Variants in GALNT13 observed in about 807,000 individuals in gnomAD.
GALNT13 encodes polypeptide N-acetylgalactosaminyltransferase 13.
GALNT13 carries 28 observed loss-of-function variants against 64.2 expected under a neutral mutation model. That is an observed-to-expected ratio of 0.44 (90% CI 0.32 to 0.60). The LOEUF (loss-of-function observed/expected upper bound fraction) is 0.60. Among genes scored for constraint, GALNT13 ranks in the 20% least tolerant of loss-of-function variants. The pLI is 0.05. For synonymous variants in GALNT13, 214 were observed against 224.6 expected (o/e 0.95, Z 0.42); for missense variants, 577 against 669.8 (o/e 0.86, Z 1.53).
At chr2:154,323,628 T>C (rs1694735737) in intron 9 of GALNT13, among the ~76,000 whole-genome samples, 1 of 152,106 alleles carries the variant, frequency 6.6e-6, no homozygotes, top group Non-Finnish European at 1.5e-5. Context: ...TAATTCCTTG[T>C]TTCTAAGTGT....
At chr2:153,569,287 A>G in the GALNT13 span, among the ~76,000 whole-genome samples, 1 of 152,024 alleles carries the variant, frequency 6.6e-6, no homozygotes, top group Non-Finnish European at 1.5e-5. Flanking sequence ...TTGGATTCCA[A>G]CTTTCATTTT....
the GALNT13 span, among the ~76,000 whole-genome samples, chr2:153,826,526 A>G: frequency 2.0e-5 from 3 of 152,144 alleles, no homozygotes; most frequent in African/African-American, 4.8e-5. Context: ...CTTCCCCTAC[A>G]AGTGTTCCCT....
At chr2:153,225,043 A>C in the GALNT13 span, among the ~76,000 whole-genome samples, 3 of 152,214 alleles carry the variant, frequency 2.0e-5, no homozygotes, top group African/African-American at 7.2e-5. Flanking sequence ...GAAAAACTGC[A>C]GATCAATATC....
chr2:153,708,218 G>C, the GALNT13 span, among the ~76,000 whole-genome samples: 1 of 151,990 alleles, frequency 6.6e-6, no homozygotes, highest in African/African-American at 2.4e-5. Context: ...GAAAACTACT[G>C]GTGTATGTTC....
chr2:153,193,817 G>A, the GALNT13 span, among the ~76,000 whole-genome samples: 1 of 151,980 alleles, frequency 6.6e-6, no homozygotes, highest in African/African-American at 2.4e-5. Flanking sequence ...GTTTTTGCTT[G>A]TCTTGGAAAG....
At chr2:153,109,569 A>G in the GALNT13 span, among the ~76,000 whole-genome samples, 1 of 152,146 alleles carries the variant, frequency 6.6e-6, no homozygotes, top group Non-Finnish European at 1.5e-5. Flanking sequence ...GCTGCAACAG[A>G]GCTTGTGTAA....
At chr2:153,171,766 A>T in the GALNT13 span, among the ~76,000 whole-genome samples, 1 of 152,218 alleles carries the variant, frequency 6.6e-6, no homozygotes, top group African/African-American at 2.4e-5. Context: ...AAATGGCCTT[A>T]TCTTGGGAAT....
chr2:153,617,684 A>T, the GALNT13 span, among the ~76,000 whole-genome samples: 2 of 151,556 alleles, frequency 1.3e-5, no homozygotes, highest in Non-Finnish European at 3.0e-5. Context: ...ACTGGGTCCC[A>T]GGCTTTTTTT....
chr2:153,651,293 C>T, the GALNT13 span, among the ~76,000 whole-genome samples: 4 of 152,174 alleles, frequency 2.6e-5, no homozygotes, highest in Non-Finnish European at 5.9e-5. Context: ...AAGTCTGATT[C>T]CAGGATGAGA....
the GALNT13 span, among the ~76,000 whole-genome samples, chr2:153,442,647 C>T: frequency 6.6e-6 from 1 of 152,204 alleles, no homozygotes; most frequent in African/African-American, 2.4e-5. Context: ...GTGCCTACAG[C>T]TGCCCCTTCC....
At chr2:153,311,593 C>T in the GALNT13 span, among the ~76,000 whole-genome samples, 1 of 152,148 alleles carries the variant, frequency 6.6e-6, no homozygotes, top group Admixed American at 6.5e-5. Flanking sequence ...GAGGAGGATC[C>T]ACGACCGTGC....
At chr2:153,609,625 C>A in the GALNT13 span, among the ~76,000 whole-genome samples, 6 of 152,110 alleles carry the variant, frequency 3.9e-5, no homozygotes, top group Non-Finnish European at 8.8e-5. Flanking sequence ...TTTAAACCAC[C>A]CTACCAACTA....
At chr2:154,119,258 A>G (rs1323466609) in intron 3 of GALNT13, among the ~76,000 whole-genome samples, 1 of 152,128 alleles carries the variant, frequency 6.6e-6, no homozygotes, top group African/African-American at 2.4e-5. Context: ...ATATTATTCA[A>G]ATTTCTCTTG....
At chr2:153,456,782 A>G in the GALNT13 span, among the ~76,000 whole-genome samples, 11 of 152,216 alleles carry the variant, frequency 7.2e-5, no homozygotes. Context: ...TATCAGAACC[A>G]GGATTTGAAC....
intron 9 of GALNT13, among the ~76,000 whole-genome samples, chr2:154,358,518 C>T (rs907507347): frequency 1.3e-5 from 2 of 151,980 alleles, no homozygotes; most frequent in East Asian, 3.9e-4. Flanking sequence ...GACTCAAAAT[C>T]ACTAAATTTG....
At position 154,166,894 on chromosome 2, in the gene GALNT13, G is replaced by A. The variant is rs573810794; in HGVS notation, c.311+26389G>A. Reference sequence around the variant, plus strand: ...TCGCAAGGACAGAAAACCAAACACCGCATGTTCTCACTCATAGGTGGGAAT... The same window carrying A: ...TCGCAAGGACAGAAAACCAAACACCACATGTTCTCACTCATAGGTGGGAAT... On this transcript the variant is annotated intron_variant, in intron 4 of 12. Coordinates refer to ENST00000392825, the MANE Select transcript of GALNT13 (RefSeq NM_052917.4). Among the ~76,000 whole-genome samples, 43 of 151,910 alleles carry A rather than the reference G, an allele frequency of 2.8e-4. No individual in the cohort carries two copies. In the South Asian group the frequency reaches 7.7e-3, roughly 27 times the overall value.
chr2:153,404,007 G>T, the GALNT13 span, among the ~76,000 whole-genome samples: 2 of 152,098 alleles, frequency 1.3e-5, no homozygotes, highest in Non-Finnish European at 2.9e-5. Context: ...TCCAAGTTTG[G>T]GTCTCAGAAA....
At chr2:154,087,208 G>T (rs540835065) in intron 3 of GALNT13, among the ~76,000 whole-genome samples, 1 of 151,468 alleles carries the variant, frequency 6.6e-6, no homozygotes, top group South Asian at 2.1e-4. Flanking sequence ...AAAAAAAAAA[G>T]ATCAGACTCT....
chr2:154,360,289 A>T (rs1394034340), intron 9 of GALNT13, among the ~76,000 whole-genome samples: 4 of 152,178 alleles, frequency 2.6e-5, no homozygotes, highest in Non-Finnish European at 5.9e-5. Flanking sequence ...TGTTGCTTAC[A>T]ATGTAAAGAA....
Sources: gnomAD v4.1 joint callset for allele counts (sites outside exome capture counted in the v4.1 genomes callset) on GRCh38, gnomAD v4.1.1 for gene constraint, MANE v1.5 for transcripts, NCBI Gene and HGNC (gene_info 2026-07-23, HGNC 2026-07-21) for gene names.